Variants in FAM120A observed in about 807,000 individuals in gnomAD.
FAM120A encodes constitutive coactivator of PPAR-gamma-like protein 1.
Under a neutral mutation model 109.7 loss-of-function variants are expected in FAM120A, and 15 were observed. That is an observed-to-expected ratio of 0.14 (90% confidence interval 0.09 to 0.21). The LOEUF (loss-of-function observed/expected upper bound fraction) is 0.21. Among genes scored for constraint, FAM120A ranks in the 10% least tolerant of loss-of-function variants. FAM120A has a pLI of 1.00. For synonymous variants in FAM120A, 493 were observed against 572.8 expected, an observed-to-expected ratio of 0.86 and a Z score of 1.99; for missense variants, 899 against 1,439.3, an observed-to-expected ratio of 0.62 and a Z score of 6.07.
At chr9:93,519,150 A>G (rs1183337392) in intron 7 of FAM120A, among the ~76,000 whole-genome samples, 1 of 152,206 alleles carries the variant, frequency 6.6e-6, no homozygotes, top group Non-Finnish European at 1.5e-5. Context: ...GGGTCTCCGG[A>G]CAGTCAGACC....
At chr9:93,507,022 G>C (rs932301117) in intron 5 of FAM120A, among the ~76,000 whole-genome samples, 4 of 152,152 alleles carry the variant, frequency 2.6e-5, no homozygotes, top group African/African-American at 7.2e-5. Flanking sequence ...CCTTTTCCAT[G>C]TTAAAGAAAT....
At chr9:93,469,729 T>G (rs1201856118) in intron 1 of FAM120A, among the ~76,000 whole-genome samples, 1 of 152,216 alleles carries the variant, frequency 6.6e-6, no homozygotes, top group Non-Finnish European at 1.5e-5. Flanking sequence ...GATTGGATGT[T>G]GTTTGGTTTT....
intron 12 of FAM120A, among the ~76,000 whole-genome samples, chr9:93,552,469 A>T (rs1034311611): frequency 6.6e-6 from 1 of 152,194 alleles, no homozygotes; most frequent in Non-Finnish European, 1.5e-5. Flanking sequence ...CTTTAATAAG[A>T]GCAGCCTACA....
At chr9:93,480,821 A>G (rs1220104538) in intron 3 of FAM120A, among the ~76,000 whole-genome samples, 1 of 152,182 alleles carries the variant, frequency 6.6e-6, no homozygotes, top group Non-Finnish European at 1.5e-5. Flanking sequence ...TATTTACAGT[A>G]ATGAAAAGTG....
intron 3 of FAM120A, among the ~76,000 whole-genome samples, chr9:93,497,052 G>A (rs188346544): frequency 6.6e-6 from 1 of 152,258 alleles, no homozygotes; most frequent in African/African-American, 2.4e-5. Context: ...TACTTGTGCA[G>A]GCCTTCATCT....
intron 11 of FAM120A, 36 bp downstream of exon 11, chr9:93,543,507 C>T (rs754025270): frequency 6.2e-7 from 1 of 1,603,632 alleles, no homozygotes; most frequent in Admixed American, 1.7e-5. Context: ...ACCTGGGTCC[C>T]CGCCAGGTGT....
chr9:93,554,924 G>A (rs1862242332), intron 12 of FAM120A, among the ~76,000 whole-genome samples: 1 of 152,198 alleles, frequency 6.6e-6, no homozygotes, highest in Non-Finnish European at 1.5e-5. Context: ...TTTCTGCAGT[G>A]CAAGGGGCCA....
intron 3 of FAM120A, among the ~76,000 whole-genome samples, chr9:93,494,813 G>A (rs1171269772): frequency 1.3e-5 from 2 of 152,152 alleles, no homozygotes; most frequent in Admixed American, 1.3e-4. Flanking sequence ...TCAAGCAGGG[G>A]GTTTGGAGTG....
At chr9:93,494,182 C>T (rs1478521601) in intron 3 of FAM120A, among the ~76,000 whole-genome samples, 1 of 152,202 alleles carries the variant, frequency 6.6e-6, no homozygotes, top group East Asian at 1.9e-4. Context: ...CCCTTGTGCC[C>T]TGCAGAGAGG....
chr9:93,557,861 A>G lies in FAM120A; in HGVS notation c.2519A>G (p.Gln840Arg). ...DQAAKVEKMR[Q>R]SVLEGLSFSR... Reference sequence around the variant, plus strand: ...GCTGCCAAGGTAGAGAAGATGCGCCAGAGCGTCCTCGAGGGGCTCAGCTTC... The same window carrying G: ...GCTGCCAAGGTAGAGAAGATGCGCCGGAGCGTCCTCGAGGGGCTCAGCTTC... The change falls in exon 14 of 18, where the codon CAG (glutamine) becomes CGG (arginine). Residue 840 changes from glutamine to arginine, a missense_variant. Physicochemically the swap from Gln to Arg is conservative, Grantham distance 43 (BLOSUM62 1). Coordinates refer to ENST00000277165, the MANE Select transcript of FAM120A (RefSeq NM_014612.5). 6.2e-7 allele frequency: 1 copy of G among 1,613,940 alleles called. No individual in the cohort carries two copies. Among genetic ancestry groups the G allele is most frequent in the Non-Finnish European group, 8.5e-7 (1 of 1,180,016 alleles).
intron 15 of FAM120A, 146 bp from the exon 16 acceptor site, chr9:93,560,963 A>G (rs1862445257): frequency 3.6e-6 from 3 of 837,902 alleles, no homozygotes; most frequent in Non-Finnish European, 5.5e-6. Flanking sequence ...GATACACTAC[A>G]TAATAAAAAA....
intron 10 of FAM120A, among the ~76,000 whole-genome samples, chr9:93,537,842 C>A (rs913331640): frequency 6.6e-6 from 1 of 151,920 alleles, no homozygotes; most frequent in South Asian, 2.1e-4. Flanking sequence ...AAACATTTTC[C>A]CCATGATTTC....
chr9:93,554,650 A>G (rs565043840), intron 12 of FAM120A, among the ~76,000 whole-genome samples: 1 of 152,272 alleles, frequency 6.6e-6, no homozygotes, highest in South Asian at 2.1e-4. Context: ...TCCAGCGTGG[A>G]TGACAGAGCG....
intron 1 of FAM120A, among the ~76,000 whole-genome samples, chr9:93,458,990 A>G (rs979520414): frequency 2.6e-5 from 4 of 152,054 alleles, no homozygotes; most frequent in African/African-American, 9.7e-5. Context: ...ACTGGTCACT[A>G]TTTCCCCAAG....
At chr9:93,540,613 T>C (rs1362555020) in intron 10 of FAM120A, among the ~76,000 whole-genome samples, 1 of 152,188 alleles carries the variant, frequency 6.6e-6, no homozygotes, top group African/African-American at 2.4e-5. Flanking sequence ...CTTTCTGGGC[T>C]GTGTCGAGTC....
chr9:93,527,062 T>C, intron 7 of FAM120A, 93 bp from the exon 8 acceptor site: 1 of 893,334 alleles, frequency 1.1e-6, no homozygotes, highest in Non-Finnish European at 1.8e-6. Context: ...GTATTGTTAT[T>C]ATGAGCCTGA....
chr9:93,533,788 T>A (rs1861419295), intron 10 of FAM120A, among the ~76,000 whole-genome samples: 1 of 152,200 alleles, frequency 6.6e-6, no homozygotes, highest in Non-Finnish European at 1.5e-5. Flanking sequence ...TGTGACATCC[T>A]GGGTGTTGCA....
In FAM120A at chr9:93,562,311, A is replaced by C; in HGVS notation, c.3045+7A>C. On this transcript the variant is annotated splice_region_variant and intron_variant, in intron 17 of 17. Transcript: ENST00000277165. ...AAACCAGGCAGCAATTCAGGTAAGA[A>C]GACAACATGATGTTTGTGCCAGTTC... 6.2e-7 allele frequency: 1 copy of C among 1,610,476 alleles called. No homozygotes were observed. Among genetic ancestry groups the C allele is most frequent in the Non-Finnish European group, 8.5e-7 (1 of 1,176,776 alleles).
At chr9:93,486,632 C>G (rs1395906215) in intron 3 of FAM120A, among the ~76,000 whole-genome samples, 1 of 151,338 alleles carries the variant, frequency 6.6e-6, no homozygotes, top group Non-Finnish European at 1.5e-5. Flanking sequence ...CTCCCAGGCT[C>G]AAGTGATTCG....
Sources: gnomAD v4.1 joint callset for allele counts (sites outside exome capture counted in the v4.1 genomes callset) on GRCh38, gnomAD v4.1.1 for gene constraint, MANE v1.5 for transcripts, NCBI Gene and HGNC (gene_info 2026-07-23, HGNC 2026-07-21) for gene names.